Variants in FLYWCH2 observed in about 807,000 individuals in gnomAD.
FLYWCH2 encodes FLYWCH family member 2.
FLYWCH2 carries 2 observed loss-of-function variants against 6.0 expected under a neutral mutation model. The ratio of observed to expected loss-of-function variants is 0.33; its 90% confidence interval spans 0.14 to 1.04. The LOEUF is 1.04. Ranked by LOEUF, FLYWCH2 falls within the 50% of genes least tolerant of loss-of-function variation. FLYWCH2 has a pLI of 0.45. For missense variants in FLYWCH2, 192 were observed against 183.4 expected (o/e 1.05, Z -0.27); for synonymous variants, 87 against 79.3 (o/e 1.10, Z -0.52).
chr16:2,888,082 C>G (rs1006580077), intron 1 of FLYWCH2, among the ~76,000 whole-genome samples: 1 of 151,956 alleles, frequency 6.6e-6, no homozygotes, highest in Non-Finnish European at 1.5e-5. Context: ...GATCTCGGCT[C>G]ACTGCAACCT....
intron 3 of FLYWCH2, chr16:2,898,735 C>G: frequency 3.6e-6 from 1 of 280,690 alleles, no homozygotes. Context: ...CATCGACCAC[C>G]CCCATCTGCC....
chr16:2,899,141 T>A lies in FLYWCH2; in HGVS notation c.415T>A (p.Ser139Thr). The A allele has an allele frequency of 6.2e-7, 1 of 1,612,844 alleles. No homozygotes were observed. The highest frequency in any genetic ancestry group is 1.1e-5 in the South Asian group (1 of 90,910). ...CCCCTGCTCTGTGGCGCCCGGCAAG[T>A]CCCTGTAACCTTGACAACAGGCGCA... is the stretch of plus-strand genomic sequence containing the variant. Reference protein sequence around the residue: ...FAPCSVAPGKSL With the variant: ...FAPCSVAPGKTL The change falls in exon 4 of 4, where the codon TCC (serine) becomes ACC (threonine). Residue 139 changes from serine (S) to threonine (T), a missense_variant. Physicochemically the swap from Ser to Thr is moderately conservative, Grantham distance 58. Coordinates refer to ENST00000396958, the MANE Select transcript of FLYWCH2 (RefSeq NM_138439.3).
chr16:2,896,164 G>A (rs1264028729), intron 2 of FLYWCH2, among the ~76,000 whole-genome samples, 188 bp from the exon 3 acceptor site: 1 of 152,146 alleles, frequency 6.6e-6, no homozygotes, highest in Non-Finnish European at 1.5e-5. Context: ...GGGTTGGATG[G>A]GGCTGACGTT....
At chr16:2,889,496 C>G (rs1381135326) in intron 1 of FLYWCH2, among the ~76,000 whole-genome samples, 3 of 151,550 alleles carry the variant, frequency 2.0e-5, no homozygotes, top group Non-Finnish European at 2.9e-5. Flanking sequence ...AGGCGTGAGC[C>G]ACTGCGCCCG....
intron 3 of FLYWCH2, among the ~76,000 whole-genome samples, chr16:2,897,643 C>A (rs1469089856): frequency 3.3e-5 from 5 of 152,218 alleles, no homozygotes; most frequent in Admixed American, 3.3e-4. Flanking sequence ...CTGCCCCTTT[C>A]CCTGCACCCA....
intron 1 of FLYWCH2, among the ~76,000 whole-genome samples, chr16:2,884,996 A>T (rs1296493556): frequency 6.6e-6 from 1 of 151,938 alleles, no homozygotes; most frequent in Non-Finnish European, 1.5e-5. Context: ...CTTTATTGAG[A>T]TAATTCACAT....
At chr16:2,892,715 G>A (rs1238375880) in intron 1 of FLYWCH2, among the ~76,000 whole-genome samples, 2 of 150,734 alleles carry the variant, frequency 1.3e-5, no homozygotes, top group African/African-American at 4.9e-5. Flanking sequence ...ATGGTGGCGT[G>A]TGCCTGTAGT....
intron 1 of FLYWCH2, among the ~76,000 whole-genome samples, chr16:2,884,558 T>TA (rs1317315836): frequency 0.053 from 2,075 of 39,284 alleles, 187 homozygotes; most frequent in Non-Finnish European, 0.08. Context: ...CCGTCTCTAC[T>TA]AAAAAAAAAA....
At chr16:2,898,891 C>T (rs924634845) in intron 3 of FLYWCH2, 158 bp from the exon 4 acceptor site, 8 of 522,394 alleles carry the variant, frequency 1.5e-5, no homozygotes, top group Non-Finnish European at 2.7e-5. Flanking sequence ...TTGGGAGCAG[C>T]GTCCCTGAGT....
intron 2 of FLYWCH2, among the ~76,000 whole-genome samples, chr16:2,895,828 A>T (rs1263008969): frequency 6.6e-6 from 1 of 152,214 alleles, no homozygotes; most frequent in African/African-American, 2.4e-5. Flanking sequence ...GCCCAGGGAC[A>T]CTGATGTCTG....
chr16:2,898,011 A>G (rs1160477639), intron 3 of FLYWCH2, among the ~76,000 whole-genome samples: 2 of 152,148 alleles, frequency 1.3e-5, no homozygotes, highest in African/African-American at 4.8e-5. Flanking sequence ...GGGGTCAGCC[A>G]GGGCACTCAG....
At position 2,888,400 on chromosome 16, in the gene FLYWCH2, G is replaced by GT. The variant is rs536713674; in HGVS notation, c.-200+5046dup. Among the ~76,000 whole-genome samples, 139 of 121,314 alleles carry GT rather than the reference G, an allele frequency of 1.1e-3. No individual in the cohort carries two copies. In the Middle Eastern group the frequency reaches 0.017, roughly 15 times the overall value. The allele number at this position is 121,314 out of a possible 152,430, so 79.6% of individuals were successfully genotyped here. A position where few individuals can be genotyped will look rare whatever the true frequency, so the allele number is the denominator to read the frequency against. On this transcript the variant is annotated intron_variant, in intron 1 of 3. Transcript: ENST00000396958. ...AGATAGAGATGTGTCAGTCCTGCAA[G>GT]TTTTTTTTTTTTCAAGATTGTTTTT...
At chr16:2,897,575 T>C (rs1254530596) in intron 3 of FLYWCH2, among the ~76,000 whole-genome samples, 1 of 152,218 alleles carries the variant, frequency 6.6e-6, no homozygotes, top group Non-Finnish European at 1.5e-5. Flanking sequence ...ACCTTTCAGC[T>C]AGACTTGGGG....
intron 2 of FLYWCH2, among the ~76,000 whole-genome samples, 155 bp downstream of exon 2, chr16:2,895,475 G>A (rs1014945554): frequency 1.2e-4 from 18 of 152,212 alleles, no homozygotes; most frequent in African/African-American, 3.4e-4. Context: ...TTAGCCGGGC[G>A]TGGTGGCGGG....
intron 1 of FLYWCH2, among the ~76,000 whole-genome samples, chr16:2,893,998 T>C (rs934194659): frequency 2.0e-5 from 3 of 152,124 alleles, no homozygotes; most frequent in African/African-American, 7.2e-5. Flanking sequence ...GACTATGGAA[T>C]GGCAAGGAGG....
chr16:2,896,765 G>T lies in FLYWCH2; in HGVS notation c.316G>T (p.Asp106Tyr), dbSNP rs1452065930. The T allele has an allele frequency of 6.2e-7, 1 of 1,609,400 alleles. No individual in the cohort carries two copies. Among genetic ancestry groups the T allele is most frequent in the South Asian group, 1.1e-5 (1 of 91,052 alleles). The change falls in exon 3 of 4, where the codon GAC (aspartate) becomes TAC (tyrosine). Residue 106 changes from aspartate to tyrosine, a missense_variant. Coordinates refer to ENST00000396958, the MANE Select transcript of FLYWCH2 (RefSeq NM_138439.3). The stretch of plus-strand genomic sequence containing the variant: ...GCCTGAGCAGAAACGGAGCAGGCAG[G>T]ACCCAGGTGAGGCTCCACAGCGGCC... Reference protein sequence around the residue: ...QEPEQKRSRQDPGTDRTEDSG... With the variant: ...QEPEQKRSRQYPGTDRTEDSG...
chr16:2,891,891 A>T (rs2150847145), intron 1 of FLYWCH2, among the ~76,000 whole-genome samples: 1 of 152,104 alleles, frequency 6.6e-6, no homozygotes, highest in Non-Finnish European at 1.5e-5. Flanking sequence ...AGAGTGGCCC[A>T]AAGAACTCAA....
intron 1 of FLYWCH2, among the ~76,000 whole-genome samples, chr16:2,889,246 T>A (rs2069730353): frequency 6.7e-6 from 1 of 149,706 alleles, no homozygotes; most frequent in African/African-American, 2.5e-5. Flanking sequence ...AGTCTCGCTC[T>A]GTCACACAGC....
At chr16:2,894,918 G>A (rs1037101262) in intron 1 of FLYWCH2, among the ~76,000 whole-genome samples, 8 of 152,158 alleles carry the variant, frequency 5.3e-5, no homozygotes, top group African/African-American at 1.9e-4. Context: ...AGGAAACCAT[G>A]AGAACCTCAA....
Sources: gnomAD v4.1 joint callset for allele counts (sites outside exome capture counted in the v4.1 genomes callset) on GRCh38, gnomAD v4.1.1 for gene constraint, MANE v1.5 for transcripts, NCBI Gene and HGNC (gene_info 2026-07-23, HGNC 2026-07-21) for gene names.